Variants in MAP1LC3B observed in about 807,000 individuals in gnomAD.
MAP1LC3B encodes the protein microtubule-associated protein 1 light chain 3 beta.
A neutral mutation model predicts 16.7 loss-of-function variants in MAP1LC3B; 12 were observed. The observed-to-expected ratio is 0.72, with a 90% CI of 0.46 to 1.16. MAP1LC3B has a LOEUF of 1.16. Ranked by LOEUF, MAP1LC3B falls within the 50% of genes most tolerant of loss-of-function variation. The pLI, the probability that MAP1LC3B is intolerant of heterozygous loss-of-function variation, is 0.00. For missense variants in MAP1LC3B, 155 were observed against 159.5 expected (o/e 0.97, Z 0.15); for synonymous variants, 63 against 56.5 (o/e 1.11, Z -0.51).
intron 2 of MAP1LC3B, among the ~76,000 whole-genome samples, chr16:87,400,621 A>G (rs1907958446): frequency 6.6e-6 from 1 of 152,140 alleles, no homozygotes; most frequent in African/African-American, 2.4e-5. Context: ...TTTCATGTCA[A>G]CTAGACAGTC....
At chr16:87,401,597 A>G (rs1388655983) in intron 2 of MAP1LC3B, among the ~76,000 whole-genome samples, 3 of 152,328 alleles carry the variant, frequency 2.0e-5, no homozygotes, top group South Asian at 4.1e-4. Context: ...CAGTGGCGCA[A>G]CCTCAGCTCA....
chr16:87,398,837 A>C lies in MAP1LC3B; in HGVS notation c.63A>C (p.Arg21=). Residue 21 remains arginine (R), a synonymous_variant, in exon 2 of 4, where the codon CGA becomes CGC. Coordinates refer to ENST00000268607, the MANE Select transcript of MAP1LC3B (RefSeq NM_022818.5). The part of the protein sequence containing the change: ...RTFEQRVEDV[R]LIREQHPTKI... ...CAGAACAAAGAGTAGAAGATGTCCGACTTATTCGAGAGCAGCATCCAACCA... is the reference window on the plus strand; with the variant it reads ...CAGAACAAAGAGTAGAAGATGTCCGCCTTATTCGAGAGCAGCATCCAACCA... 1.2e-6 allele frequency: 2 copies of C among 1,614,174 alleles called. No individual in the cohort carries two copies. The highest frequency in any genetic ancestry group is 2.7e-5 in the African/African-American group (2 of 75,052).
intron 2 of MAP1LC3B, among the ~76,000 whole-genome samples, chr16:87,400,926 G>T (rs1035590830): frequency 6.6e-6 from 1 of 151,718 alleles, no homozygotes. Flanking sequence ...CGAAGTCAGG[G>T]GTTCGAGACC....
In MAP1LC3B at chr16:87,392,369, C is replaced by CCCGGGAGCCG. The variant is rs1213335112; in HGVS notation, c.-52_-43dup. On this transcript the variant is annotated 5_prime_UTR_variant, in exon 1 of 4. Coordinates refer to ENST00000268607, the MANE Select transcript of MAP1LC3B (RefSeq NM_022818.5). The stretch of plus-strand genomic sequence containing the variant: ...ATTCGCCGCCGCAGCAGCCGCCGCC[C>CCCGGGAGCCG]CCGGGAGCCGCCGGGACCCTCGCGT... 10 of 1,378,874 alleles carry CCCGGGAGCCG rather than the reference C, an allele frequency of 7.3e-6. No homozygotes were observed. The highest frequency in any genetic ancestry group is 1.6e-5 in the South Asian group (1 of 63,154). 85.4% of individuals were successfully genotyped at this position (1,378,874 alleles called of 1,614,324 possible). A position where few individuals can be genotyped will look rare whatever the true frequency, so the allele number is the denominator to read the frequency against.
intron 3 of MAP1LC3B, chr16:87,402,677 TAGAC>T (rs1278020441): frequency 2.4e-5 from 14 of 578,786 alleles, no homozygotes; most frequent in Admixed American, 3.2e-5. Flanking sequence ...TTTCTTATAT[TAGAC>T]AGTTTAACAG....
intron 1 of MAP1LC3B, among the ~76,000 whole-genome samples, chr16:87,397,940 CTTG>C (rs1021584415): frequency 6.7e-6 from 1 of 149,740 alleles, no homozygotes; most frequent in Non-Finnish European, 1.5e-5. Flanking sequence ...CTGGACTTGG[CTTG>C]TTTTTTTTTC....
intron 1 of MAP1LC3B, among the ~76,000 whole-genome samples, chr16:87,396,126 G>A (rs577893676): frequency 1.3e-5 from 2 of 151,742 alleles, no homozygotes; most frequent in South Asian, 2.1e-4. Flanking sequence ...CTCCCAAAGT[G>A]CTGGGTTTAC....
chr16:87,403,149 A>G lies in MAP1LC3B; in HGVS notation c.*52A>G, dbSNP rs1193705164. 1.3e-6 allele frequency: 2 copies of G among 1,557,262 alleles called. No homozygotes were observed. The highest frequency in any genetic ancestry group is 2.2e-5 in the East Asian group (1 of 44,520). ...AATTGTTTAAACCCTTACCAAGGAAAAAAAAGGGATGTTACCAACTGAGAT... is the reference window on the plus strand; with the variant it reads ...AATTGTTTAAACCCTTACCAAGGAAGAAAAAGGGATGTTACCAACTGAGAT... On this transcript the variant is annotated 3_prime_UTR_variant, in exon 4 of 4. Coordinates refer to ENST00000268607, the MANE Select transcript of MAP1LC3B (RefSeq NM_022818.5).
chr16:87,399,167 T>C (rs922391209), intron 2 of MAP1LC3B: 2 of 365,196 alleles, frequency 5.5e-6, no homozygotes, highest in African/African-American at 4.2e-5. Context: ...CCACTACACC[T>C]GGCTAATTTT....
chr16:87,395,644 A>G (rs1215581017), intron 1 of MAP1LC3B, among the ~76,000 whole-genome samples: 1 of 152,184 alleles, frequency 6.6e-6, no homozygotes, highest in Non-Finnish European at 1.5e-5. Flanking sequence ...GCTGCTGGAC[A>G]GCGTGCTAAG....
At chr16:87,399,137 G>GCT in intron 2 of MAP1LC3B, 1 of 467,834 alleles carries the variant, frequency 2.1e-6, no homozygotes, top group East Asian at 3.9e-5. Flanking sequence ...CTCCTGAGTA[G>GCT]CTCTGACTAG....
At chr16:87,402,755 A>C (rs558635060) in intron 3 of MAP1LC3B, 168 bp from the exon 4 acceptor site, 12 of 793,810 alleles carry the variant, frequency 1.5e-5, no homozygotes, top group East Asian at 2.7e-5. Context: ...ATTATAGCTC[A>C]TGTCAATATA....
rs1908065395 is a variant in MAP1LC3B at position 87,403,382 on chromosome 16, A to G, written c.*285A>G. 8.1e-6 allele frequency: 2 copies of G among 247,868 alleles called. No individual in the cohort carries two copies. Among genetic ancestry groups the G allele is most frequent in the South Asian group, 1.9e-4 (2 of 10,460 alleles). 15.4% of individuals were successfully genotyped at this position (247,868 alleles called of 1,614,324 possible). The stretch of plus-strand genomic sequence containing the variant: ...CTTTGCATTCTAAGTTGCCAATAAA[A>G]TAGACCTTCAAGTTATTTTAATGCT... On this transcript the variant is annotated 3_prime_UTR_variant, in exon 4 of 4. Coordinates refer to ENST00000268607, the MANE Select transcript of MAP1LC3B (RefSeq NM_022818.5).
Position 87,392,393 on chromosome 16 carries a change from G to T in MAP1LC3B, c.-35G>T. 7.1e-7 allele frequency: 1 copy of T among 1,415,378 alleles called. No homozygotes were observed. The allele number at this position is 1,415,378 out of a possible 1,614,324, so 87.7% of individuals were successfully genotyped here. On this transcript the variant is annotated 5_prime_UTR_variant, in exon 1 of 4. Coordinates refer to ENST00000268607, the MANE Select transcript of MAP1LC3B (RefSeq NM_022818.5). ...CCCCGGGAGCCGCCGGGACCCTCGC[G>T]TCGTCGCCGCCGCCGCCGCCCAGAT...
chr16:87,398,742 G>T, intron 1 of MAP1LC3B, 73 bp from the exon 2 acceptor site: 1 of 1,344,322 alleles, frequency 7.4e-7, no homozygotes, highest in South Asian at 1.2e-5. Context: ...AACTTGGATG[G>T]AGAACCAGCA....
intron 2 of MAP1LC3B, among the ~76,000 whole-genome samples, chr16:87,401,925 C>T (rs544500175): frequency 5.9e-5 from 9 of 152,190 alleles, no homozygotes; most frequent in African/African-American, 1.9e-4. Flanking sequence ...CTCCACCTCC[C>T]GGGTTCACGC....
At chr16:87,394,015 A>G (rs1421779197) in intron 1 of MAP1LC3B, among the ~76,000 whole-genome samples, 2 of 152,202 alleles carry the variant, frequency 1.3e-5, no homozygotes, top group African/African-American at 4.8e-5. Context: ...AGTGGGTAGT[A>G]AGGGTAGGAA....
chr16:87,400,725 A>G (rs931094808), intron 2 of MAP1LC3B, among the ~76,000 whole-genome samples: 1 of 146,960 alleles, frequency 6.8e-6, no homozygotes, highest in African/African-American at 2.5e-5. Flanking sequence ...TTTTTAATGG[A>G]TGAAAGGTTT....
At chr16:87,397,324 G>C (rs1907842689) in intron 1 of MAP1LC3B, among the ~76,000 whole-genome samples, 1 of 152,066 alleles carries the variant, frequency 6.6e-6, no homozygotes, top group African/African-American at 2.4e-5. Flanking sequence ...TATAAAGAGT[G>C]ATACTAAAAT....
Sources: allele counts gnomAD v4.1 joint callset (sites outside exome capture counted in the v4.1 genomes callset), GRCh38; gene constraint gnomAD v4.1.1; transcripts MANE v1.5; gene names NCBI Gene and HGNC (gene_info 2026-07-23, HGNC 2026-07-21).